Variants in KCNH5 observed in about 807,000 individuals in gnomAD.
KCNH5 encodes potassium voltage-gated channel subfamily H member 5.
KCNH5 carries 46 observed loss-of-function variants against 96.1 expected under a neutral mutation model. The ratio of observed to expected loss-of-function variants is 0.48; its 90% CI spans 0.38 to 0.61. The LOEUF (loss-of-function observed/expected upper bound fraction) is 0.61. Among genes scored for constraint, KCNH5 ranks in the 20% least tolerant of loss-of-function variants. KCNH5 has a pLI of 0.00. For missense variants in KCNH5, 907 were observed against 1,225.8 expected (o/e 0.74, Z 3.88); for synonymous variants, 439 against 449.8 (o/e 0.98, Z 0.30).
intron 7 of KCNH5, among the ~76,000 whole-genome samples, chr14:62,947,859 G>A (rs1414556538): frequency 6.6e-6 from 1 of 151,440 alleles, no homozygotes; most frequent in Non-Finnish European, 1.5e-5. Flanking sequence ...TAAGTTTTAG[G>A]GTACATATGC....
At chr14:62,732,061 G>T (rs118074279) in intron 10 of KCNH5, among the ~76,000 whole-genome samples, 4,871 of 152,148 alleles carry the variant, frequency 0.032, 140 homozygotes, top group South Asian at 0.081. Flanking sequence ...CTTGTTCTTG[G>T]CCAACTCCTT....
chr14:62,959,903 C>T (rs1890175160), intron 6 of KCNH5, among the ~76,000 whole-genome samples: 1 of 152,120 alleles, frequency 6.6e-6, no homozygotes, highest in South Asian at 2.1e-4. Flanking sequence ...TTTGTTTAAA[C>T]CTATTCAATC....
intron 5 of KCNH5, among the ~76,000 whole-genome samples, chr14:62,984,932 T>G (rs916521750): frequency 2.6e-5 from 4 of 152,186 alleles, no homozygotes; most frequent in African/African-American, 7.2e-5. Flanking sequence ...TTTCACTTGT[T>G]GTCGCTCTGT....
At chr14:62,939,577 C>T (rs1294705456) in intron 7 of KCNH5, among the ~76,000 whole-genome samples, 1 of 152,182 alleles carries the variant, frequency 6.6e-6, no homozygotes, top group African/African-American at 2.4e-5. Context: ...TCTACAAGTG[C>T]TTTTGAACTC....
chr14:62,782,391 T>C (rs375689234), intron 9 of KCNH5, among the ~76,000 whole-genome samples: 2 of 152,170 alleles, frequency 1.3e-5, no homozygotes, highest in African/African-American at 4.8e-5. Context: ...CAATCATGAA[T>C]AGTTAATTAA....
chr14:62,862,439 C>A (rs1185180443), intron 7 of KCNH5, among the ~76,000 whole-genome samples: 4 of 152,088 alleles, frequency 2.6e-5, no homozygotes, highest in Admixed American at 6.6e-5. Context: ...TCATACAGTT[C>A]CCTTGTGGTG....
In KCNH5 at chr14:62,818,114, G is replaced by T. The variant is rs866173706; in HGVS notation, c.1570-15533C>A. Among the ~76,000 whole-genome samples the T allele has an allele frequency of 3.8e-4, 48 of 125,964 alleles. 1 individual carries two copies. The highest frequency in any genetic ancestry group is 2.2e-3 in the East Asian group (8 of 3,594). 82.6% of individuals were successfully genotyped at this position (125,964 alleles called of 152,430 possible). On this transcript the variant is annotated intron_variant, in intron 8 of 10. Coordinates refer to ENST00000322893, the MANE Select transcript of KCNH5 (RefSeq NM_139318.5). The stretch of plus-strand genomic sequence containing the variant: ...TGGCTACCAGGAGCTGGGGGCGGGG[G>T]GGGGGTGGAAGAAATGGGGAGATGT...
rs1213484157 is a variant in KCNH5, at chr14:62,799,726, T to TATATATATATATATAC, written c.1822+2602_1822+2603insGTATATATATATATAT. On this transcript the variant is annotated intron_variant, in intron 9 of 10. Transcript: ENST00000322893. Reference sequence around the variant, plus strand: ...ATATATATATATATATATATATATATACACACACACACACACACATATCAG... The same window carrying TATATATATATATATAC: ...ATATATATATATATATATATATATATATATATATATATATACACACACACACACACACACATATCAG... Among the ~76,000 whole-genome samples, 87 of 68,578 alleles carry TATATATATATATATAC rather than the reference T, an allele frequency of 1.3e-3. 1 individual carries two copies. Among genetic ancestry groups the TATATATATATATATAC allele is most frequent in the Non-Finnish European group, 2.1e-3 (73 of 34,612 alleles). 45.0% of individuals were successfully genotyped at this position (68,578 alleles called of 152,430 possible).
At chr14:62,808,608 G>C (rs1013776524) in intron 8 of KCNH5, among the ~76,000 whole-genome samples, 2 of 152,046 alleles carry the variant, frequency 1.3e-5, no homozygotes, top group Non-Finnish European at 2.9e-5. Flanking sequence ...CATACAGGAA[G>C]CATTATCAAA....
At chr14:62,756,211 C>T in intron 10 of KCNH5, among the ~76,000 whole-genome samples, 1 of 151,758 alleles carries the variant, frequency 6.6e-6, no homozygotes, top group East Asian at 1.9e-4. Flanking sequence ...ATGATAACTA[C>T]AAATAAAATA....
chr14:62,899,185 C>T (rs187692193), intron 7 of KCNH5, among the ~76,000 whole-genome samples: 1 of 152,162 alleles, frequency 6.6e-6, no homozygotes, highest in East Asian at 1.9e-4. Flanking sequence ...GGTCATAAAG[C>T]AAGTCTTGAA....
rs138939418 is a variant in KCNH5 at position 62,878,797 on chromosome 14, G to A, written c.1370-28945C>T. ...GTCAGCAGGGTTGGTTTCTTCTGGG[G>A]CCTCTGTCCTTGCCTATAGATGGCT... On this transcript the variant is annotated intron_variant, in intron 7 of 10. Transcript: ENST00000322893. Among the ~76,000 whole-genome samples the A allele has an allele frequency of 8.0e-4, 121 of 152,144 alleles. 1 individual carries two copies. The highest frequency in any genetic ancestry group is 1.7e-3 in the Admixed American group (26 of 15,268).
At chr14:62,840,555 T>C (rs1395955178) in intron 8 of KCNH5, among the ~76,000 whole-genome samples, 1 of 134,464 alleles carries the variant, frequency 7.4e-6, no homozygotes, top group Non-Finnish European at 1.6e-5. Flanking sequence ...TTTTTCTTTT[T>C]TCTTTTTTTT....
chr14:62,711,904 CCAG>C (rs753234161), intron 10 of KCNH5, among the ~76,000 whole-genome samples: 111 of 152,152 alleles, frequency 7.3e-4, no homozygotes, highest in Non-Finnish European at 1.5e-3. Flanking sequence ...ATAAAGAGAG[CCAG>C]CAGTTGGACG....
chr14:62,784,852 T>C (rs1407869356), intron 9 of KCNH5, among the ~76,000 whole-genome samples: 1 of 152,174 alleles, frequency 6.6e-6, no homozygotes, highest in Non-Finnish European at 1.5e-5. Flanking sequence ...ACTATGTTTT[T>C]CGTATCATGG....
intron 10 of KCNH5, among the ~76,000 whole-genome samples, chr14:62,736,148 G>C (rs2139929755): frequency 6.6e-6 from 1 of 152,262 alleles, no homozygotes; most frequent in Admixed American, 6.5e-5. Flanking sequence ...GTTGTTGCAA[G>C]ACTTTTCACT....
chr14:62,764,780 AC>A (rs1257678315), intron 10 of KCNH5, among the ~76,000 whole-genome samples: 2 of 152,164 alleles, frequency 1.3e-5, no homozygotes, highest in African/African-American at 4.8e-5. Flanking sequence ...AGGCACACAC[AC>A]AAAAATAAAG....
intron 8 of KCNH5, among the ~76,000 whole-genome samples, chr14:62,819,120 C>A (rs1354005729): frequency 6.6e-6 from 1 of 152,098 alleles, no homozygotes; most frequent in Non-Finnish European, 1.5e-5. Context: ...GTGCCCGCCA[C>A]CACGCCCAGC....
At chr14:62,939,151 A>G (rs1207061008) in intron 7 of KCNH5, among the ~76,000 whole-genome samples, 1 of 151,902 alleles carries the variant, frequency 6.6e-6, no homozygotes, top group Non-Finnish European at 1.5e-5. Flanking sequence ...GGCCTCCCAG[A>G]TCTCTTCTGA....
Sources: gnomAD v4.1 joint callset for allele counts (sites outside exome capture counted in the v4.1 genomes callset) on GRCh38, gnomAD v4.1.1 for gene constraint, MANE v1.5 for transcripts, NCBI Gene and HGNC (gene_info 2026-07-23, HGNC 2026-07-21) for gene names.